Variants in GRAMD2B observed in about 807,000 individuals in gnomAD.
GRAMD2B encodes the protein GRAM domain-containing protein 2B.
In GRAMD2B, 41 loss-of-function variants were observed where a neutral mutation model predicts 59.2. The ratio of observed to expected loss-of-function variants is 0.69; its 90% CI spans 0.54 to 0.90. GRAMD2B has a LOEUF of 0.90. GRAMD2B is among the 40% of genes least tolerant of loss of function. The pLI is 0.00. For missense variants in GRAMD2B, 424 were observed against 500.5 expected (o/e 0.85, Z 1.46); for synonymous variants, 161 against 182.7 (o/e 0.88, Z 0.96).
chr5:126,438,342 T>C lies in GRAMD2B; in HGVS notation c.83+14653T>C, dbSNP rs956824331. On this transcript the variant is annotated intron_variant, in intron 1 of 13. Coordinates refer to ENST00000285689, the MANE Select transcript of GRAMD2B (RefSeq NM_023927.4). ...GGAGAATATGAAGGGGCACACCCAA[T>C]AAGTGACAGAACAAGCCCAGAGGTG... 2.6e-5 allele frequency among the ~76,000 whole-genome samples: 4 copies of C among 152,020 alleles called. No individual in the cohort carries two copies. The East Asian group carries it at 7.7e-4, about 29-fold the overall frequency.
At chr5:126,403,762 G>T (rs906988666) in intron 1 of GRAMD2B, among the ~76,000 whole-genome samples, 1 of 151,740 alleles carries the variant, frequency 6.6e-6, no homozygotes, top group Non-Finnish European at 1.5e-5. Flanking sequence ...AAAGACTTAC[G>T]CAGAGGAACA....
At chr5:126,415,647 T>G (rs1050309467) in intron 1 of GRAMD2B, among the ~76,000 whole-genome samples, 3 of 152,186 alleles carry the variant, frequency 2.0e-5, no homozygotes, top group Non-Finnish European at 2.9e-5. Flanking sequence ...TAGAAAAACT[T>G]TCTTATTTGC....
chr5:126,439,111 G>T (rs551669766), intron 1 of GRAMD2B, among the ~76,000 whole-genome samples: 1 of 152,212 alleles, frequency 6.6e-6, no homozygotes, highest in South Asian at 2.1e-4. Flanking sequence ...ATTACTGGAT[G>T]CCATTCCACC....
At chr5:126,415,104 G>A (rs1759149002) in intron 1 of GRAMD2B, among the ~76,000 whole-genome samples, 1 of 152,172 alleles carries the variant, frequency 6.6e-6, no homozygotes, top group Admixed American at 6.5e-5. Context: ...TTGGAATAGA[G>A]CCCAGTTCTC....
At position 126,375,665 on chromosome 5, in the gene GRAMD2B, C is replaced by T. The variant is rs563554395; in HGVS notation, c.125+4098C>T. On this transcript the variant is annotated intron_variant, in intron 1 of 8. Transcript: ENST00000506445. ...GATTACAGGCATGAGCCACCGCGCCCGGCCACTCCTTTAAATCTTCTTTTG... is the reference window on the plus strand; with the variant it reads ...GATTACAGGCATGAGCCACCGCGCCTGGCCACTCCTTTAAATCTTCTTTTG... 1.9e-4 allele frequency among the ~76,000 whole-genome samples: 29 copies of T among 152,256 alleles called. 1 individual carries two copies. Among genetic ancestry groups the T allele is most frequent in the African/African-American group, 6.5e-4 (27 of 41,548 alleles).
intron 1 of GRAMD2B, among the ~76,000 whole-genome samples, chr5:126,438,376 G>A (rs1485839235): frequency 6.6e-6 from 1 of 152,156 alleles, no homozygotes; most frequent in Non-Finnish European, 1.5e-5. Flanking sequence ...TGTCAGAAAT[G>A]GGCTTGAACA....
At position 126,493,476 on chromosome 5, in the gene GRAMD2B, CT is replaced by C. The variant is rs530776629; in HGVS notation, c.*530del. On this transcript the variant is annotated 3_prime_UTR_variant, in exon 14 of 14. Coordinates refer to ENST00000285689, the MANE Select transcript of GRAMD2B (RefSeq NM_023927.4). ...CAAACAAGTAACATCTACATTTTGT[CT>C]TTTTTTTTTCAGTTCTCCTGTTATG... The C allele has an allele frequency of 6.7e-5, 10 of 149,864 alleles. No individual in the cohort carries two copies. The highest frequency in any genetic ancestry group is 2.0e-4 in the Admixed American group (3 of 14,986). 9.3% of individuals were successfully genotyped at this position (149,864 alleles called of 1,614,324 possible). A position where few individuals can be genotyped will look rare whatever the true frequency, so the allele number is the denominator to read the frequency against.
intron 1 of GRAMD2B, among the ~76,000 whole-genome samples, chr5:126,384,907 A>G (rs1755986476): frequency 6.6e-6 from 1 of 152,242 alleles, no homozygotes; most frequent in African/African-American, 2.4e-5. Flanking sequence ...AACATTCATT[A>G]TACATTAAAT....
In GRAMD2B at chr5:126,447,875, TA is replaced by T. The variant is rs751327191; in HGVS notation, c.84-17545del. Among the ~76,000 whole-genome samples, 450 of 129,734 alleles carry T rather than the reference TA, an allele frequency of 3.5e-3. 5 individuals are homozygous for T. Among genetic ancestry groups the T allele is most frequent in the African/African-American group, 0.014 (401 of 28,040 alleles). 85.1% of individuals were successfully genotyped at this position (129,734 alleles called of 152,430 possible). Reference sequence around the variant, plus strand: ...GCCCATTTATAATTTTTTTTTTTTTTAAAAAATAGTCTCACTCTGTTGCCCA... The same window carrying T: ...GCCCATTTATAATTTTTTTTTTTTTTAAAAATAGTCTCACTCTGTTGCCCA... On this transcript the variant is annotated intron_variant, in intron 1 of 13. Transcript: ENST00000285689.
Position 126,462,313 on chromosome 5 carries a change from A to C in GRAMD2B, c.84-3113A>C, listed in dbSNP as rs1374442825. ...GCCTGGTTCAGCTTCATTGACAGTA[A>C]CTTAAAAGTTTCCAAAAGGCCTTGA... On this transcript the variant is annotated intron_variant, in intron 1 of 13. Transcript: ENST00000285689. 5 of 498,566 alleles carry C rather than the reference A, an allele frequency of 1.0e-5. No individual in the cohort carries two copies. The African/African-American group carries it at 1.0e-4, about 10-fold the overall frequency. The allele number at this position is 498,566 out of a possible 1,614,324, so 30.9% of individuals were successfully genotyped here.
chr5:126,414,429 A>T (rs901488902), intron 1 of GRAMD2B, among the ~76,000 whole-genome samples: 2 of 152,168 alleles, frequency 1.3e-5, no homozygotes, highest in African/African-American at 4.8e-5. Context: ...CTGGGATTTT[A>T]ACACACAGTG....
intron 1 of GRAMD2B, among the ~76,000 whole-genome samples, chr5:126,391,719 C>A (rs2149721095): frequency 6.6e-6 from 1 of 152,250 alleles, no homozygotes; most frequent in South Asian, 2.1e-4. Context: ...ATAGTGATGG[C>A]AAGTCAATTA....
At chr5:126,401,355 G>A (rs1224584037) in intron 1 of GRAMD2B, among the ~76,000 whole-genome samples, 1 of 151,982 alleles carries the variant, frequency 6.6e-6, no homozygotes. Flanking sequence ...TTCTGAGTCA[G>A]TAAGTTGTCT....
intron 1 of GRAMD2B, among the ~76,000 whole-genome samples, chr5:126,360,968 G>A (rs192345417): frequency 2.2e-4 from 33 of 152,250 alleles, no homozygotes; most frequent in Middle Eastern, 3.4e-3. Flanking sequence ...TTTGGGTTTG[G>A]GTTAGGTTTT....
At chr5:126,404,829 A>G in intron 1 of GRAMD2B, among the ~76,000 whole-genome samples, 1 of 151,872 alleles carries the variant, frequency 6.6e-6, no homozygotes, top group East Asian at 1.9e-4. Context: ...ACATGTAACA[A>G]TAAATCACAG....
In GRAMD2B at chr5:126,423,583, A is replaced by G; in HGVS notation, c.-24A>G. The G allele has an allele frequency of 6.2e-7, 1 of 1,607,180 alleles. No individual in the cohort carries two copies. Among genetic ancestry groups the G allele is most frequent in the Non-Finnish European group, 8.5e-7 (1 of 1,177,390 alleles). On this transcript the variant is annotated 5_prime_UTR_variant, in exon 1 of 14. Coordinates refer to ENST00000285689, the MANE Select transcript of GRAMD2B (RefSeq NM_023927.4). Reference sequence around the variant, plus strand: ...CAGAGCCAGGCGCGCGGAAGTCTGAAGGTGCCCTCCAGACACGGCCCCGAT... The same window carrying G: ...CAGAGCCAGGCGCGCGGAAGTCTGAGGGTGCCCTCCAGACACGGCCCCGAT...
At chr5:126,477,236 C>G (rs1770793903) in intron 5 of GRAMD2B, among the ~76,000 whole-genome samples, 1 of 152,086 alleles carries the variant, frequency 6.6e-6, no homozygotes, top group African/African-American at 2.4e-5. Context: ...AGAACTGAGC[C>G]AAGAATTCAG....
intron 1 of GRAMD2B, among the ~76,000 whole-genome samples, chr5:126,432,842 C>T (rs1007821837): frequency 1.3e-5 from 2 of 152,188 alleles, no homozygotes; most frequent in African/African-American, 4.8e-5. Flanking sequence ...AGAATGACAG[C>T]ACCTTTTCTC....
intron 1 of GRAMD2B, among the ~76,000 whole-genome samples, chr5:126,450,933 C>G (rs774702827): frequency 2.6e-5 from 4 of 152,246 alleles, no homozygotes; most frequent in Non-Finnish European, 5.9e-5. Flanking sequence ...AAAAACTCTA[C>G]TAGGGCAGTG....
Sources: allele counts gnomAD v4.1 joint callset (sites outside exome capture counted in the v4.1 genomes callset), GRCh38; gene constraint gnomAD v4.1.1; transcripts MANE v1.5; gene names NCBI Gene and HGNC (gene_info 2026-07-23, HGNC 2026-07-21).